Variants in CCDC171 observed in about 807,000 individuals in gnomAD.
CCDC171 encodes coiled-coil domain-containing protein 171.
A neutral mutation model predicts 168.2 loss-of-function variants in CCDC171; 177 were observed. The observed-to-expected ratio is 1.05, with a 90% CI of 0.93 to 1.19. CCDC171 has a LOEUF of 1.19. CCDC171 is among the 50% of genes most tolerant of loss of function. The pLI is 0.00. For synonymous variants in CCDC171, 687 were observed against 540.8 expected (o/e 1.27, Z -3.75); for missense variants, 1,991 against 1,539.0 (o/e 1.29, Z -4.91).
chr9:15,752,505 A>G (rs924784174), intron 18 of CCDC171, among the ~76,000 whole-genome samples: 1 of 152,204 alleles, frequency 6.6e-6, no homozygotes, highest in Non-Finnish European at 1.5e-5. Context: ...AATGTCCATC[A>G]ATAATAGACT....
intron 10 of CCDC171, among the ~76,000 whole-genome samples, chr9:15,691,068 T>C (rs1318324761): frequency 1.3e-5 from 2 of 152,216 alleles, no homozygotes; most frequent in Non-Finnish European, 2.9e-5. Context: ...TTTTGCCTCA[T>C]TAAATCTATT....
chr9:15,826,474 T>A (rs180805319), intron 21 of CCDC171, among the ~76,000 whole-genome samples: 21 of 152,282 alleles, frequency 1.4e-4, no homozygotes, highest in African/African-American at 4.6e-4. Context: ...TGAATGGGCC[T>A]TTGTGAAGTG....
At chr9:15,637,642 C>G (rs2046302847) in intron 7 of CCDC171, among the ~76,000 whole-genome samples, 1 of 127,270 alleles carries the variant, frequency 7.9e-6, no homozygotes, top group East Asian at 2.7e-4. Context: ...ACAACAGTCC[C>G]CAGAGTGTGA....
At chr9:15,865,793 C>T (rs907362531) in intron 23 of CCDC171, among the ~76,000 whole-genome samples, 8 of 151,226 alleles carry the variant, frequency 5.3e-5, no homozygotes, top group African/African-American at 1.7e-4. Context: ...GGATTTTCAA[C>T]TCTGTGGGGG....
At chr9:15,789,826 C>A (rs2058158428) in intron 21 of CCDC171, among the ~76,000 whole-genome samples, 1 of 148,348 alleles carries the variant, frequency 6.7e-6, no homozygotes, top group Middle Eastern at 3.4e-3. Context: ...TGTTCAGTTC[C>A]CACCTACGAA....
At chr9:15,738,274 A>G (rs563309740) in intron 16 of CCDC171, among the ~76,000 whole-genome samples, 2 of 152,322 alleles carry the variant, frequency 1.3e-5, no homozygotes, top group South Asian at 4.1e-4. Flanking sequence ...CATGTATTTC[A>G]GGAAGTAAGT....
At chr9:15,880,739 G>T (rs544302210) in intron 24 of CCDC171, among the ~76,000 whole-genome samples, 3 of 151,092 alleles carry the variant, frequency 2.0e-5, no homozygotes, top group Admixed American at 2.0e-4. Flanking sequence ...GCCTCCCAAA[G>T]TGCTGGGATT....
intron 3 of CCDC171, among the ~76,000 whole-genome samples, chr9:15,993,693 C>T (rs1832278476): frequency 6.6e-6 from 1 of 152,158 alleles, no homozygotes; most frequent in Admixed American, 6.5e-5. Context: ...GCAATCTACT[C>T]ATCTGACAAA....
exon 1 of CCDC171, chr9:16,042,821 A>G (rs536415043): frequency 6.6e-6 from 1 of 152,212 alleles, no homozygotes; most frequent in South Asian, 2.1e-4. Flanking sequence ...ATGAGGGAAA[A>G]TAAACACACA....
At chr9:15,647,057 G>C (rs1564129769) in intron 7 of CCDC171, among the ~76,000 whole-genome samples, 1 of 152,196 alleles carries the variant, frequency 6.6e-6, no homozygotes, top group African/African-American at 2.4e-5. Context: ...GTGTCTCTTA[G>C]ACCACAGTGC....
chr9:15,802,492 G>T (rs930829982), intron 21 of CCDC171, among the ~76,000 whole-genome samples: 2 of 152,082 alleles, frequency 1.3e-5, no homozygotes, highest in African/African-American at 4.8e-5. Context: ...CCACTTATAA[G>T]TGAGAACATG....
intron 24 of CCDC171, among the ~76,000 whole-genome samples, chr9:15,896,588 T>C (rs1042413551): frequency 1.3e-5 from 2 of 152,076 alleles, no homozygotes; most frequent in African/African-American, 2.4e-5. Flanking sequence ...CAATTTTGCC[T>C]TCAGTTGTGC....
intron 6 of CCDC171, among the ~76,000 whole-genome samples, chr9:16,025,016 T>C (rs1833247342): frequency 2.0e-5 from 3 of 152,218 alleles, no homozygotes. Context: ...GGTGGGAATG[T>C]AAACTGGTAC....
chr9:15,664,864 C>T (rs146475358), intron 8 of CCDC171, among the ~76,000 whole-genome samples: 1 of 151,436 alleles, frequency 6.6e-6, no homozygotes, highest in Non-Finnish European at 1.5e-5. Flanking sequence ...ACGCCTGGCT[C>T]ATTTTGTATG....
intron 3 of CCDC171, among the ~76,000 whole-genome samples, chr9:16,001,041 G>A (rs1832527547): frequency 1.3e-5 from 2 of 152,240 alleles, no homozygotes; most frequent in Non-Finnish European, 1.5e-5. Flanking sequence ...AACCAAACTT[G>A]CCAAGAGGGT....
At chr9:16,102,769 C>T in the CCDC171 span, among the ~76,000 whole-genome samples, 8 of 152,130 alleles carry the variant, frequency 5.3e-5, no homozygotes, top group Admixed American at 3.9e-4. Context: ...TGAAAGTGGC[C>T]GGAGGAAACT....
At chr9:15,970,561 G>A (rs2132794919) in intron 25 of CCDC171, among the ~76,000 whole-genome samples, 1 of 152,038 alleles carries the variant, frequency 6.6e-6, no homozygotes, top group Admixed American at 6.6e-5. Flanking sequence ...ATACTTACCT[G>A]CTTTACTGCT....
intron 7 of CCDC171, among the ~76,000 whole-genome samples, chr9:15,624,191 T>C (rs1471308950): frequency 3.9e-5 from 6 of 152,200 alleles, no homozygotes; most frequent in African/African-American, 1.4e-4. Context: ...GTGTGATTCC[T>C]AATATTTTTA....
intron 7 of CCDC171, among the ~76,000 whole-genome samples, chr9:15,642,343 G>GTGTATATATATATA (rs1369419679): frequency 2.3e-4 from 25 of 107,496 alleles, no homozygotes; most frequent in African/African-American, 7.1e-4. Flanking sequence ...GTGTGTGTGT[G>GTGTATATATATATA]TATATATATA....
Sources: gnomAD v4.1 joint callset for allele counts (sites outside exome capture counted in the v4.1 genomes callset) on GRCh38, gnomAD v4.1.1 for gene constraint, MANE v1.5 for transcripts, NCBI Gene and HGNC (gene_info 2026-07-23, HGNC 2026-07-21) for gene names.